The following EVI5 variants were observed in gnomAD, a reference collection of about 807,000 sequenced individuals.
EVI5 encodes ecotropic viral integration site 5 protein homolog.
A neutral mutation model predicts 112.0 loss-of-function variants in EVI5; 73 were observed. The ratio of observed to expected loss-of-function variants is 0.65; its 90% CI spans 0.54 to 0.79. The LOEUF is 0.79. Among genes scored for constraint, EVI5 ranks in the 30% least tolerant of loss-of-function variants. EVI5 has a pLI of 0.00. For missense variants in EVI5, 900 were observed against 968.8 expected (o/e 0.93, Z 0.94); for synonymous variants, 305 against 319.9 (o/e 0.95, Z 0.50).
At chr1:92,699,973 TA>T (rs1427107743) in intron 5 of EVI5, among the ~76,000 whole-genome samples, 1 of 152,192 alleles carries the variant, frequency 6.6e-6, no homozygotes, top group Admixed American at 6.5e-5. Context: ...GAATTTTTTT[TA>T]ATGGCAACAT....
intron 18 of EVI5, among the ~76,000 whole-genome samples, chr1:92,571,088 G>T (rs1670261602): frequency 6.6e-6 from 1 of 151,008 alleles, no homozygotes; most frequent in African/African-American, 2.4e-5. Context: ...ATTTAATAAA[G>T]CTTAATGTTG....
chr1:92,726,340 CAAAA>C (rs1454914054), intron 2 of EVI5, among the ~76,000 whole-genome samples: 2 of 151,862 alleles, frequency 1.3e-5, no homozygotes, highest in African/African-American at 4.8e-5. Flanking sequence ...AACAAACAAA[CAAAA>C]AGACAAGGAA....
At position 92,513,082 on chromosome 1, in the gene EVI5, A is replaced by C. The variant is rs200188615; in HGVS notation, c.*574T>G. ...AAAATTGCTTGAACCTGGGAGGCGG[A>C]GGTTGCAGTGAGCTAAGATCACACC... On this transcript the variant is annotated 3_prime_UTR_variant, in exon 20 of 20. Coordinates refer to ENST00000684568, the MANE Select transcript of EVI5 (RefSeq NM_001350197.2). 3 of 151,284 alleles carry C rather than the reference A, an allele frequency of 2.0e-5. No individual in the cohort carries two copies. In the South Asian group the frequency reaches 6.4e-4, roughly 32 times the overall value. 9.4% of individuals were successfully genotyped at this position (151,284 alleles called of 1,614,324 possible). A position where few individuals can be genotyped will look rare whatever the true frequency, so the allele number is the denominator to read the frequency against.
chr1:92,636,016 G>A (rs1255573829), intron 14 of EVI5, among the ~76,000 whole-genome samples, 186 bp downstream of exon 14: 1 of 152,152 alleles, frequency 6.6e-6, no homozygotes, highest in Non-Finnish European at 1.5e-5. Flanking sequence ...GCTGTGATTA[G>A]TATGAAGGCA....
In EVI5 at chr1:92,545,947, A is replaced by G. The variant is rs919961182; in HGVS notation, c.2166+17695T>C. On this transcript the variant is annotated intron_variant, in intron 19 of 19. Transcript: ENST00000684568. ...CCTGGCAATCTTCTACTCCTTCTCT[A>G]ATACACGATTTAGGCAGCCCCATGA... Among the ~76,000 whole-genome samples the G allele has an allele frequency of 2.6e-5, 4 of 151,916 alleles. No homozygotes were observed. The East Asian group carries it at 7.8e-4, about 30-fold the overall frequency.
chr1:92,627,883 G>A (rs1379115713), intron 14 of EVI5, among the ~76,000 whole-genome samples: 1 of 151,838 alleles, frequency 6.6e-6, no homozygotes, highest in Admixed American at 6.6e-5. Flanking sequence ...TCTGCCTCCC[G>A]GGTTCAAGCA....
chr1:92,641,777 G>C (rs1660019906), intron 13 of EVI5, among the ~76,000 whole-genome samples: 1 of 151,946 alleles, frequency 6.6e-6, no homozygotes, highest in Non-Finnish European at 1.5e-5. Context: ...GCTGTAAACA[G>C]GATTTAAAAA....
At position 92,695,451 on chromosome 1, in the gene EVI5, C is replaced by A. The variant is rs1368496384; in HGVS notation, c.768G>T (p.Glu256Asp). Residue 256 changes from glutamate (E) to aspartate (D), a missense_variant and splice_region_variant, in exon 7 of 20, where the codon GAG (glutamate) becomes GAT (aspartate). By Grantham distance (45) the Glu-to-Asp change is conservative (BLOSUM62 2). Transcript: ENST00000684568. ...AATGTACAAAGAGCTCTGGAAGATG[C>A]TCCTAAAGAGAAGAAAATAATTAGT... ...CMYQFECMIQEHLPELFVHFQ... is the reference protein window; with the variant it reads ...CMYQFECMIQDHLPELFVHFQ... 3.8e-6 allele frequency: 6 copies of A among 1,582,358 alleles called. No homozygotes were observed. Among genetic ancestry groups the A allele is most frequent in the Non-Finnish European group, 4.3e-6 (5 of 1,162,338 alleles).
chr1:92,789,332 T>C (rs536528783), upstream of EVI5, among the ~76,000 whole-genome samples: 17 of 151,850 alleles, frequency 1.1e-4, no homozygotes, highest in Admixed American at 1.1e-3. Context: ...TTTTTTTTTC[T>C]CGCTCCGTCG....
chr1:92,608,034 C>T (rs1373699751), intron 16 of EVI5, among the ~76,000 whole-genome samples: 1 of 151,588 alleles, frequency 6.6e-6, no homozygotes, highest in Non-Finnish European at 1.5e-5. Context: ...ACCTGTAGTC[C>T]CAGGTACTCG....
chr1:92,763,771 C>T (rs765137960), intron 1 of EVI5, among the ~76,000 whole-genome samples: 2 of 152,010 alleles, frequency 1.3e-5, no homozygotes, highest in East Asian at 3.8e-4. Flanking sequence ...CCACTCCAGC[C>T]TAGGTGACAG....
At chr1:92,588,730 C>G (rs765116279) in intron 18 of EVI5, among the ~76,000 whole-genome samples, 2 of 152,116 alleles carry the variant, frequency 1.3e-5, no homozygotes, top group Non-Finnish European at 2.9e-5. Flanking sequence ...AGTAAGTACC[C>G]CATAAATATC....
intron 19 of EVI5, among the ~76,000 whole-genome samples, chr1:92,538,922 A>C (rs1455959461): frequency 6.6e-6 from 1 of 152,216 alleles, no homozygotes; most frequent in East Asian, 1.9e-4. Context: ...AACTTGAAAG[A>C]AAGCTGGGGC....
intron 1 of EVI5, among the ~76,000 whole-genome samples, chr1:92,754,521 T>G (rs559704741): frequency 4.1e-5 from 4 of 97,876 alleles, no homozygotes; most frequent in African/African-American, 1.1e-4. Flanking sequence ...TGGCCTCTCA[T>G]GAGCTTGCAG....
At chr1:92,688,537 A>C (rs1330618202) in intron 9 of EVI5, among the ~76,000 whole-genome samples, 1 of 152,094 alleles carries the variant, frequency 6.6e-6, no homozygotes, top group Middle Eastern at 3.2e-3. Flanking sequence ...AGTAAGATCT[A>C]GGTTGGGTGA....
intron 19 of EVI5, among the ~76,000 whole-genome samples, chr1:92,523,355 G>A (rs1163364972): frequency 6.6e-6 from 1 of 151,682 alleles, no homozygotes; most frequent in Non-Finnish European, 1.5e-5. Context: ...TATTTAATTG[G>A]AAGCAAATGA....
At chr1:92,595,421 G>A (rs1361244096) in intron 18 of EVI5, among the ~76,000 whole-genome samples, 3 of 152,008 alleles carry the variant, frequency 2.0e-5, no homozygotes, top group East Asian at 1.9e-4. Context: ...GTTGTGGGGT[G>A]GGGGGAGGTT....
chr1:92,629,579 A>G (rs1426215980), intron 14 of EVI5, among the ~76,000 whole-genome samples: 1 of 152,246 alleles, frequency 6.6e-6, no homozygotes, highest in Non-Finnish European at 1.5e-5. Flanking sequence ...ATTCAGGCTA[A>G]AAGGAACTTC....
intron 18 of EVI5, among the ~76,000 whole-genome samples, chr1:92,587,056 G>A (rs1672921138): frequency 6.6e-6 from 1 of 151,944 alleles, no homozygotes; most frequent in Non-Finnish European, 1.5e-5. Flanking sequence ...TTCAATTCTA[G>A]ATATAGCAAT....
Sources: gnomAD v4.1 joint callset for allele counts (sites outside exome capture counted in the v4.1 genomes callset) on GRCh38, gnomAD v4.1.1 for gene constraint, MANE v1.5 for transcripts, NCBI Gene and HGNC (gene_info 2026-07-23, HGNC 2026-07-21) for gene names.